Variants in PRIM2 observed in about 807,000 individuals in gnomAD.
PRIM2 encodes the protein DNA primase subunit 2.
Under a neutral mutation model 67.3 loss-of-function variants are expected in PRIM2, and 39 were observed. That is an observed-to-expected ratio of 0.58 (90% CI 0.45 to 0.76). The LOEUF is 0.76. Among genes scored for constraint, PRIM2 ranks in the 30% least tolerant of loss-of-function variants. The pLI is 0.00. For missense variants in PRIM2, 398 were observed against 598.7 expected (o/e 0.66, Z 3.50); for synonymous variants, 143 against 198.7 (o/e 0.72, Z 2.36).
chr6:57,536,293 A>G (rs1382131679), intron 9 of PRIM2, among the ~76,000 whole-genome samples: 3 of 152,266 alleles, frequency 2.0e-5, no homozygotes, highest in Non-Finnish European at 2.9e-5. Context: ...AGAGAATGCA[A>G]TTGAAACCGT....
intron 7 of PRIM2, among the ~76,000 whole-genome samples, chr6:57,498,763 C>T (rs1554346589): frequency 1.3e-5 from 2 of 152,136 alleles, no homozygotes; most frequent in Non-Finnish European, 2.9e-5. Context: ...AGAAGGGATT[C>T]ATTATTTTAA....
At chr6:57,451,200 G>A (rs766476196) in intron 7 of PRIM2, among the ~76,000 whole-genome samples, 4 of 152,188 alleles carry the variant, frequency 2.6e-5, no homozygotes, top group African/African-American at 9.6e-5. Flanking sequence ...GAATGCAGTG[G>A]TGTCACCTCG....
At chr6:57,556,905 T>A (rs1775523734) in intron 10 of PRIM2, among the ~76,000 whole-genome samples, 2 of 149,978 alleles carry the variant, frequency 1.3e-5, no homozygotes, top group Non-Finnish European at 3.0e-5. Context: ...ATCCAGCATC[T>A]ATAAGGAACT....
the PRIM2 span, among the ~76,000 whole-genome samples, chr6:57,260,184 A>G: frequency 1.3e-5 from 2 of 152,216 alleles, no homozygotes; most frequent in African/African-American, 2.4e-5. Context: ...AATCTACCAC[A>G]TCTTTGCATT....
At chr6:57,328,569 G>C (rs1264945576) in intron 5 of PRIM2, among the ~76,000 whole-genome samples, 2 of 152,162 alleles carry the variant, frequency 1.3e-5, no homozygotes, top group African/African-American at 4.8e-5. Flanking sequence ...TTCAGCATTC[G>C]AGGGACATTT....
At chr6:57,622,019 C>T (rs1776866511) in intron 12 of PRIM2, among the ~76,000 whole-genome samples, 2 of 152,088 alleles carry the variant, frequency 1.3e-5, no homozygotes, top group Middle Eastern at 3.4e-3. Context: ...GGCATGACCT[C>T]GGCTCACTGC....
At chr6:57,328,922 A>C (rs901839500) in intron 5 of PRIM2, among the ~76,000 whole-genome samples, 3 of 152,166 alleles carry the variant, frequency 2.0e-5, no homozygotes, top group African/African-American at 7.2e-5. Context: ...ATATCTTTTC[A>C]TATGCTTATT....
chr6:57,598,430 A>G (rs1776406401), intron 10 of PRIM2, among the ~76,000 whole-genome samples: 1 of 152,012 alleles, frequency 6.6e-6, no homozygotes, highest in Admixed American at 6.5e-5. Flanking sequence ...CCTAACCCCT[A>G]CCTCTTTCCC....
intron 7 of PRIM2, among the ~76,000 whole-genome samples, chr6:57,388,687 A>T (rs1438765435): frequency 6.6e-6 from 1 of 152,178 alleles, no homozygotes; most frequent in African/African-American, 2.4e-5. Flanking sequence ...CCATTATATT[A>T]CACTGCCTAG....
At chr6:57,243,043 A>G in the PRIM2 span, among the ~76,000 whole-genome samples, 1 of 152,236 alleles carries the variant, frequency 6.6e-6, no homozygotes, top group Non-Finnish European at 1.5e-5. Flanking sequence ...CCTATGAAGG[A>G]TAAGTGGTTC....
intron 7 of PRIM2, among the ~76,000 whole-genome samples, chr6:57,463,017 C>CAG (rs1246710401): frequency 1.3e-5 from 2 of 151,414 alleles, no homozygotes; most frequent in East Asian, 1.9e-4. Context: ...TTGTGTTCAA[C>CAG]AGTGAGAAGT....
chr6:57,489,589 C>G (rs1363706981), intron 7 of PRIM2, among the ~76,000 whole-genome samples: 1 of 152,308 alleles, frequency 6.6e-6, no homozygotes, highest in Non-Finnish European at 1.5e-5. Context: ...ATTATTTATA[C>G]TCAGTGTCAT....
In PRIM2 at chr6:57,392,203, C is replaced by T. The variant is rs12173447; in HGVS notation, c.693+10035C>T. Among the ~76,000 whole-genome samples the T allele has an allele frequency of 5.3e-5, 8 of 151,862 alleles. 1 individual carries two copies. The highest frequency in any genetic ancestry group is 2.1e-4 in the South Asian group (1 of 4,812). Reference sequence around the variant, plus strand: ...TTTTGTTGGTGTATAGGAATGCTAGCGATTTCGTTCATTGATTTTGTATCC... The same window carrying T: ...TTTTGTTGGTGTATAGGAATGCTAGTGATTTCGTTCATTGATTTTGTATCC... On this transcript the variant is annotated intron_variant, in intron 7 of 13. Coordinates refer to ENST00000615550, the MANE Select transcript of PRIM2 (RefSeq NM_000947.5).
At chr6:57,553,925 T>G (rs1368719072) in intron 10 of PRIM2, among the ~76,000 whole-genome samples, 4 of 152,186 alleles carry the variant, frequency 2.6e-5, no homozygotes, top group Admixed American at 6.5e-5. Context: ...ATCATCCCTA[T>G]CCCATGTATG....
At chr6:57,272,837 C>G in the PRIM2 span, among the ~76,000 whole-genome samples, 3 of 152,310 alleles carry the variant, frequency 2.0e-5, no homozygotes, top group South Asian at 4.1e-4. Context: ...GACAAAATCT[C>G]TCAGCATTTG....
At chr6:57,243,954 A>G in the PRIM2 span, among the ~76,000 whole-genome samples, 6 of 152,204 alleles carry the variant, frequency 3.9e-5, no homozygotes. Flanking sequence ...TGGCTGACAG[A>G]TAGAATGGAC....
At chr6:57,515,753 A>G (rs1774474485) in intron 8 of PRIM2, among the ~76,000 whole-genome samples, 1 of 152,228 alleles carries the variant, frequency 6.6e-6, no homozygotes, top group Non-Finnish European at 1.5e-5. Context: ...TTAGTTTTCT[A>G]TTCCAATCTT....
rs1769358566 is a variant in PRIM2, at chr6:57,366,382, TG to T, written c.460-13518del. ...AAAGGCCTGGGATAAAAAGGAACTT[TG>T]ATGGACACAAAGAGCCTGTGTAGTG... On this transcript the variant is annotated intron_variant, in intron 5 of 13. Coordinates refer to ENST00000615550, the MANE Select transcript of PRIM2 (RefSeq NM_000947.5). 2.6e-5 allele frequency among the ~76,000 whole-genome samples: 4 copies of T among 152,034 alleles called. 1 individual carries two copies. The South Asian group carries it at 8.3e-4, about 32-fold the overall frequency.
At chr6:57,571,911 T>G (rs1775870834) in intron 10 of PRIM2, among the ~76,000 whole-genome samples, 1 of 152,248 alleles carries the variant, frequency 6.6e-6, no homozygotes, top group African/African-American at 2.4e-5. Context: ...TCTTGATTCA[T>G]GTAAAATCCA....
Sources: gnomAD v4.1 joint callset for allele counts (sites outside exome capture counted in the v4.1 genomes callset) on GRCh38, gnomAD v4.1.1 for gene constraint, MANE v1.5 for transcripts, NCBI Gene and HGNC (gene_info 2026-07-23, HGNC 2026-07-21) for gene names.